The following CA5A variants were observed in gnomAD, a reference collection of about 807,000 sequenced individuals.
The protein encoded by CA5A is carbonic anhydrase 5A, mitochondrial.
CA5A carries 28 observed loss-of-function variants against 37.1 expected under a neutral mutation model. The ratio of observed to expected loss-of-function variants is 0.75; its 90% CI spans 0.56 to 1.03. The LOEUF is 1.03. Among genes scored for constraint, CA5A ranks in the 50% least tolerant of loss-of-function variants. The pLI is 0.00. For missense variants in CA5A, 444 were observed against 399.9 expected (o/e 1.11, Z -0.94); for synonymous variants, 171 against 158.4 (o/e 1.08, Z -0.60).
chr16:87,882,897 G>A (rs73236977), intron 4 of CA5A: 16,974 of 152,390 alleles, frequency 0.11, 1,397 homozygotes, highest in African/African-American at 0.23. Flanking sequence ...AGAGCCAGAC[G>A]CTTTATTTTG....
rs2056353765 is a variant in CA5A, at chr16:87,928,777, T to G, written c.143-1832A>C. 2.4e-5 allele frequency among the ~76,000 whole-genome samples: 3 copies of G among 126,530 alleles called. No individual in the cohort carries two copies. In the Admixed American group the frequency reaches 2.4e-4, roughly 10 times the overall value. The allele number at this position is 126,530 out of a possible 152,430, so 83.0% of individuals were successfully genotyped here. A position where few individuals can be genotyped will look rare whatever the true frequency, so the allele number is the denominator to read the frequency against. ...TTTTCTTTGTTTTTTTTTTTTTTTT[T>G]TTTTTTTTTGAGACGGAGTCTCACT... is the stretch of plus-strand genomic sequence containing the variant. On this transcript the variant is annotated intron_variant, in intron 1 of 6. Transcript: ENST00000649794.
downstream of CA5A, chr16:87,886,994 C>G (rs1201228600): frequency 6.6e-6 from 1 of 152,134 alleles, no homozygotes; most frequent in African/African-American, 2.4e-5. Context: ...GCTCTGCCTC[C>G]CGGGTTCAAG....
chr16:87,892,627 T>A (rs1427904899), intron 5 of CA5A, among the ~76,000 whole-genome samples: 1 of 150,318 alleles, frequency 6.7e-6, no homozygotes, highest in African/African-American at 2.4e-5. Context: ...AAATATTACT[T>A]TTTATTGTGA....
downstream of CA5A, chr16:87,885,333 A>G (rs1297231333): frequency 1.3e-5 from 2 of 152,776 alleles, no homozygotes; most frequent in Non-Finnish European, 2.9e-5. Context: ...AGCCCAAGAG[A>G]AAAATGGGCA....
intron 3 of CA5A, among the ~76,000 whole-genome samples, chr16:87,903,158 C>T (rs1397727965): frequency 3.9e-5 from 6 of 152,142 alleles, no homozygotes; most frequent in South Asian, 2.1e-4. Context: ...CTCGGCTGGG[C>T]GCGGTGGCTC....
downstream of CA5A, chr16:87,885,205 CAAA>C (rs753780912): frequency 2.4e-5 from 4 of 168,960 alleles, no homozygotes; most frequent in Admixed American, 6.0e-5. Context: ...ACAACAACAA[CAAA>C]AAAAAGAGGG....
chr16:87,907,791 T>G (rs1262561271), intron 2 of CA5A, among the ~76,000 whole-genome samples: 1 of 152,126 alleles, frequency 6.6e-6, no homozygotes, highest in African/African-American at 2.4e-5. Flanking sequence ...CCAGGTGTGG[T>G]GGCAGGTGCC....
At chr16:87,883,211 G>A (rs1327035052), downstream of CA5A, 1 of 152,202 alleles carries the variant, frequency 6.6e-6, no homozygotes, top group African/African-American at 2.4e-5. Flanking sequence ...TTTTAGAAGA[G>A]ACAGGGTTTC....
At chr16:87,901,454 G>A (rs766119463) in intron 5 of CA5A, among the ~76,000 whole-genome samples, 2 of 152,172 alleles carry the variant, frequency 1.3e-5, no homozygotes, top group Admixed American at 6.5e-5. Flanking sequence ...TCAACCCTGC[G>A]GAATCCCATT....
rs541293765 is a variant in CA5A at position 87,888,674 on chromosome 16, C to T, written c.775-402G>A. Among the ~76,000 whole-genome samples the T allele has an allele frequency of 1.5e-4, 23 of 152,278 alleles. No individual in the cohort carries two copies. The South Asian group carries it at 2.5e-3, about 16-fold the overall frequency. ...TACAGTCCCAGCTGACACTGGGCTA[C>T]AATTCATGAAAGATGGTAAGCCAGA... On this transcript the variant is annotated intron_variant, in intron 6 of 6. Coordinates refer to ENST00000649794, the MANE Select transcript of CA5A (RefSeq NM_001739.2).
At chr16:87,908,985 G>C (rs1170820342) in intron 2 of CA5A, among the ~76,000 whole-genome samples, 3 of 126,430 alleles carry the variant, frequency 2.4e-5, no homozygotes, top group Non-Finnish European at 4.9e-5. Context: ...CACCACACCC[G>C]GCTATTTTTT....
At chr16:87,883,710 C>G (rs547979326), downstream of CA5A, 5 of 150,926 alleles carry the variant, frequency 3.3e-5, no homozygotes, top group East Asian at 9.8e-4. Flanking sequence ...AATCTTGGCT[C>G]ATTGCAACGT....
chr16:87,913,456 AT>A (rs546370762), intron 2 of CA5A, among the ~76,000 whole-genome samples: 2 of 151,744 alleles, frequency 1.3e-5, no homozygotes, highest in Admixed American at 6.6e-5. Context: ...TGCCCGGCTA[AT>A]TTTTTTTACA....
intron 1 of CA5A, among the ~76,000 whole-genome samples, chr16:87,934,858 G>A (rs1340427640): frequency 6.6e-6 from 1 of 152,138 alleles, no homozygotes; most frequent in East Asian, 1.9e-4. Context: ...TACTTGGGAG[G>A]CTGAGTCAAG....
downstream of CA5A, chr16:87,886,877 T>C (rs564926678): frequency 6.6e-6 from 1 of 152,336 alleles, no homozygotes; most frequent in South Asian, 2.1e-4. Flanking sequence ...TACCACATTA[T>C]CTTAATTAAT....
intron 5 of CA5A, among the ~76,000 whole-genome samples, chr16:87,896,701 C>T (rs2055807458): frequency 6.6e-6 from 1 of 152,206 alleles, no homozygotes; most frequent in Non-Finnish European, 1.5e-5. Flanking sequence ...AGTGCAATGG[C>T]ACGATCTCGG....
At chr16:87,881,806 T>C (rs2055609736) in exon 5 of CA5A, 1 of 152,260 alleles carries the variant, frequency 6.6e-6, no homozygotes. Context: ...GTTTGTGGTT[T>C]CATCTCAGTG....
Position 87,929,020 on chromosome 16 carries a change from C to T in CA5A, c.143-2075G>A, listed in dbSNP as rs571808791. ...TCCTGACCTTGTGATCCACCCGCCT[C>T]GGCCTCCCAAAGTGCTGGGATTACA... On this transcript the variant is annotated intron_variant, in intron 1 of 6. Coordinates refer to ENST00000649794, the MANE Select transcript of CA5A (RefSeq NM_001739.2). 1.6e-4 allele frequency among the ~76,000 whole-genome samples: 24 copies of T among 150,454 alleles called. No individual in the cohort carries two copies. In the East Asian group the frequency reaches 2.0e-3, roughly 12 times the overall value.
At chr16:87,932,408 G>A (rs1306286398) in intron 1 of CA5A, among the ~76,000 whole-genome samples, 1 of 152,092 alleles carries the variant, frequency 6.6e-6, no homozygotes, top group Non-Finnish European at 1.5e-5. Flanking sequence ...GCACCAACGG[G>A]CCCACCAACA....
Sources: allele counts gnomAD v4.1 joint callset (sites outside exome capture counted in the v4.1 genomes callset), GRCh38; gene constraint gnomAD v4.1.1; transcripts MANE v1.5; gene names NCBI Gene and HGNC (gene_info 2026-07-23, HGNC 2026-07-21).